Variants in SELENOF observed in about 807,000 individuals in gnomAD.
SELENOF encodes selenoprotein F.
SELENOF carries 16 observed loss-of-function variants against 20.5 expected under a neutral mutation model. The ratio of observed to expected loss-of-function variants is 0.78; its 90% CI spans 0.53 to 1.19. The LOEUF is 1.19. Ranked by LOEUF, SELENOF falls within the 50% of genes most tolerant of loss-of-function variation. SELENOF has a pLI of 0.00. For missense variants in SELENOF, 215 were observed against 194.2 expected (o/e 1.11, Z -0.64); for synonymous variants, 78 against 74.5 (o/e 1.05, Z -0.24).
chr1:86,908,636 C>T (rs961672454), intron 1 of SELENOF, among the ~76,000 whole-genome samples: 1 of 152,144 alleles, frequency 6.6e-6, no homozygotes, highest in Admixed American at 6.5e-5. Flanking sequence ...ACGATTTTAA[C>T]TGTGTGATCC....
intron 4 of SELENOF, among the ~76,000 whole-genome samples, 174 bp from the exon 5 acceptor site, chr1:86,863,779 T>A (rs976398659): frequency 1.3e-5 from 2 of 151,598 alleles, no homozygotes; most frequent in African/African-American, 4.9e-5. Context: ...TTACAGGATT[T>A]CGGAAAAAAA....
intron 2 of SELENOF, among the ~76,000 whole-genome samples, chr1:86,895,481 C>T (rs1390660973): frequency 6.6e-6 from 1 of 152,124 alleles, no homozygotes; most frequent in Non-Finnish European, 1.5e-5. Context: ...TTATTTAATC[C>T]TCATAATCAC....
chr1:86,907,979 G>A (rs577307938), intron 1 of SELENOF, among the ~76,000 whole-genome samples: 216 of 141,670 alleles, frequency 1.5e-3, no homozygotes, highest in Non-Finnish European at 2.4e-3. Flanking sequence ...AGTGTGAATC[G>A]CCATCTCAAA....
At chr1:86,893,450 C>CAAA (rs10714134) in intron 2 of SELENOF, among the ~76,000 whole-genome samples, 1 of 90,528 alleles carries the variant, frequency 1.1e-5, no homozygotes, top group African/African-American at 3.6e-5. Context: ...TACTAAAATA[C>CAAA]AAAAAAAAAA....
At chr1:86,882,883 T>C (rs1285224366) in intron 2 of SELENOF, among the ~76,000 whole-genome samples, 2 of 152,202 alleles carry the variant, frequency 1.3e-5, no homozygotes, top group Non-Finnish European at 2.9e-5. Flanking sequence ...TCCAGCACTT[T>C]GGGACGCCGA....
upstream of SELENOF, chr1:86,914,225 G>T: frequency 1.1e-6 from 1 of 883,540 alleles, no homozygotes; most frequent in Non-Finnish European, 1.9e-6. Flanking sequence ...TCATTTGGAA[G>T]TGACAGGTAT....
At chr1:86,906,666 G>A (rs1012373441) in intron 1 of SELENOF, among the ~76,000 whole-genome samples, 7 of 152,188 alleles carry the variant, frequency 4.6e-5, no homozygotes, top group Non-Finnish European at 1.0e-4. Context: ...GAGAGCAACT[G>A]AAAACTCCAG....
chr1:86,889,813 C>G (rs1361139144), intron 2 of SELENOF, among the ~76,000 whole-genome samples: 1 of 152,156 alleles, frequency 6.6e-6, no homozygotes, highest in Non-Finnish European at 1.5e-5. Context: ...CCAATTCAGT[C>G]TAATAAATCC....
At chr1:86,914,460 CTG>C, upstream of SELENOF, 1 of 350,862 alleles carries the variant, frequency 2.9e-6, no homozygotes, top group South Asian at 2.9e-5. Context: ...TGATTGAGCT[CTG>C]TGGCAGAGGA....
At chr1:86,911,920 C>T (rs1015680244) in intron 1 of SELENOF, among the ~76,000 whole-genome samples, 12 of 151,648 alleles carry the variant, frequency 7.9e-5, no homozygotes, top group African/African-American at 2.4e-4. Context: ...AGTAGGCATG[C>T]GCCACCACGC....
At chr1:86,875,359 G>A (rs1260919194) in intron 3 of SELENOF, among the ~76,000 whole-genome samples, 1 of 152,150 alleles carries the variant, frequency 6.6e-6, no homozygotes, top group African/African-American at 2.4e-5. Flanking sequence ...GGCAACTTAA[G>A]AGAATGTAGG....
intron 2 of SELENOF, among the ~76,000 whole-genome samples, chr1:86,891,655 AAAT>A (rs1474054448): frequency 1.3e-5 from 2 of 152,318 alleles, no homozygotes; most frequent in South Asian, 2.1e-4. Flanking sequence ...AAAAAATTTT[AAAT>A]AATATTTTGG....
chr1:86,907,621 G>C (rs1317157688), intron 1 of SELENOF, among the ~76,000 whole-genome samples: 1 of 152,166 alleles, frequency 6.6e-6, no homozygotes, highest in East Asian at 1.9e-4. Flanking sequence ...GAAAGACAAA[G>C]ATTCTAAGGA....
intron 1 of SELENOF, among the ~76,000 whole-genome samples, chr1:86,906,907 G>C (rs1200815106): frequency 6.6e-6 from 1 of 152,200 alleles, no homozygotes; most frequent in African/African-American, 2.4e-5. Flanking sequence ...GGCAATAAGA[G>C]TGAAATCACT....
intron 1 of SELENOF, among the ~76,000 whole-genome samples, chr1:86,911,858 A>C (rs1659992214): frequency 6.6e-6 from 1 of 150,496 alleles, no homozygotes; most frequent in African/African-American, 2.5e-5. Flanking sequence ...ATCTCGGCTC[A>C]GTGCAACCTC....
At chr1:86,872,225 T>C (rs1361205551) in intron 3 of SELENOF, among the ~76,000 whole-genome samples, 2 of 152,232 alleles carry the variant, frequency 1.3e-5, no homozygotes, top group African/African-American at 4.8e-5. Flanking sequence ...ATAACCAAAA[T>C]GAGCAATGTG....
intron 2 of SELENOF, among the ~76,000 whole-genome samples, chr1:86,881,284 A>G (rs906333744): frequency 6.6e-6 from 1 of 152,234 alleles, no homozygotes; most frequent in African/African-American, 2.4e-5. Flanking sequence ...TTTAGCTGAA[A>G]TGGATTCAAT....
At chr1:86,896,107 A>C (rs1268138761) in intron 2 of SELENOF, among the ~76,000 whole-genome samples, 2 of 152,110 alleles carry the variant, frequency 1.3e-5, no homozygotes, top group African/African-American at 4.8e-5. Context: ...AGGTGCCTGG[A>C]ATCCCAGCTG....
At chr1:86,897,851 C>T (rs903044236) in intron 2 of SELENOF, among the ~76,000 whole-genome samples, 7 of 152,214 alleles carry the variant, frequency 4.6e-5, no homozygotes, top group African/African-American at 1.7e-4. Context: ...TCCTTCCTCC[C>T]AGGTTGCTGC....
Sources: allele counts gnomAD v4.1 joint callset (sites outside exome capture counted in the v4.1 genomes callset), GRCh38; gene constraint gnomAD v4.1.1; transcripts MANE v1.5; gene names NCBI Gene and HGNC (gene_info 2026-07-23, HGNC 2026-07-21).